Variants in ZBTB40 observed in about 807,000 individuals in gnomAD.
The protein encoded by ZBTB40 is zinc finger and BTB domain containing 40.
In ZBTB40, 60 loss-of-function variants were observed where a neutral mutation model predicts 117.5. That is an observed-to-expected ratio of 0.51 (90% CI 0.41 to 0.63). ZBTB40 has a LOEUF of 0.63. Among genes scored for constraint, ZBTB40 ranks in the 30% least tolerant of loss-of-function variants. The probability of loss-of-function intolerance (pLI) is 0.00; values close to 1 mark genes in which losing one functional copy is unlikely to be tolerated. For synonymous variants in ZBTB40, 525 were observed against 577.1 expected (o/e 0.91, Z 1.29); for missense variants, 1,287 against 1,498.5 (o/e 0.86, Z 2.33).
chr1:22,441,972 T>C (rs1484578567), intron 1 of ZBTB40, among the ~76,000 whole-genome samples: 2 of 152,228 alleles, frequency 1.3e-5, no homozygotes, highest in African/African-American at 2.4e-5. Flanking sequence ...TGTGTTTTCA[T>C]TTTCATTCTT....
intron 3 of ZBTB40, among the ~76,000 whole-genome samples, chr1:22,493,202 A>G (rs1247799967): frequency 6.6e-6 from 1 of 152,166 alleles, no homozygotes; most frequent in Admixed American, 6.5e-5. Flanking sequence ...AATATACTTC[A>G]AAAGAACACT....
At chr1:22,484,826 A>G (rs1638421785) in intron 1 of ZBTB40, among the ~76,000 whole-genome samples, 1 of 152,206 alleles carries the variant, frequency 6.6e-6, no homozygotes, top group African/African-American at 2.4e-5. Flanking sequence ...CTCTATTTCT[A>G]GTTTGTTGGA....
At position 22,502,407 on chromosome 1, in the gene ZBTB40, C is replaced by T; in HGVS notation, c.1133C>T (p.Ala378Val). 6.2e-7 allele frequency: 1 copy of T among 1,614,050 alleles called. No individual in the cohort carries two copies. The highest frequency in any genetic ancestry group is 8.5e-7 in the Non-Finnish European group (1 of 1,179,970). ...CCTATTATGGAGTCCCTGGAAACAG[C>T]CAAGGAGGAATTCCTGACTGGCACT... ...LRPIMESLETAKEEFLTGTEK... is the reference protein window; with the variant it reads ...LRPIMESLETVKEEFLTGTEK... The change falls in exon 5 of 18, where the codon GCC becomes GTC. Residue 378 changes from alanine to valine, a missense_variant. Physicochemically the swap from Ala to Val is moderately conservative, Grantham distance 64 (BLOSUM62 0). Transcript: ENST00000375647.
intron 9 of ZBTB40, among the ~76,000 whole-genome samples, chr1:22,510,133 C>T (rs7415626): frequency 6.6e-6 from 1 of 152,190 alleles, no homozygotes; most frequent in Non-Finnish European, 1.5e-5. Flanking sequence ...TCATGGGTGT[C>T]CAGCCCAGGA....
chr1:22,499,816 T>C (rs1302564741), intron 3 of ZBTB40, among the ~76,000 whole-genome samples: 1 of 152,202 alleles, frequency 6.6e-6, no homozygotes, highest in African/African-American at 2.4e-5. Context: ...AGGAGAAAGA[T>C]AAAATCTCTC....
chr1:22,433,746 C>G (rs1439087620), intron 1 of ZBTB40, among the ~76,000 whole-genome samples: 2 of 151,080 alleles, frequency 1.3e-5, no homozygotes, highest in Non-Finnish European at 3.0e-5. Context: ...TTCTTCACTT[C>G]TTTAAAACTA....
rs1331462791 is a variant in ZBTB40, at chr1:22,490,555, C to G, written c.607C>G (p.Pro203Ala). The G allele has an allele frequency of 5.0e-6, 8 of 1,613,702 alleles. No homozygotes were observed. Among genetic ancestry groups the G allele is most frequent in the Non-Finnish European group, 4.2e-6 (5 of 1,179,880 alleles). The change falls in exon 2 of 18, where the codon CCA (proline) becomes GCA (alanine). Residue 203 changes from proline to alanine, a missense_variant. Physicochemically the swap from Pro to Ala is conservative, Grantham distance 27. This residue lies in a region of ZBTB40 where 870 missense variants were observed against 934.4 expected (regional missense o/e 0.93). Coordinates refer to ENST00000375647, the MANE Select transcript of ZBTB40 (RefSeq NM_014870.4). ...GGAGAGCCAGAGGAATGCAGAAACC[C>G]CAGCGGAGACTCCTACTACAGCTGA... ...AQESQRNAET[P>A]AETPTTAEAC...
chr1:22,435,037 A>G (rs1640652087), intron 1 of ZBTB40, among the ~76,000 whole-genome samples: 2 of 147,926 alleles, frequency 1.4e-5, no homozygotes, highest in Admixed American at 6.8e-5. Context: ...TTTTTTTTAG[A>G]CAGCATCTCA....
chr1:22,519,318 C>G (rs977692328), intron 13 of ZBTB40, among the ~76,000 whole-genome samples: 11 of 152,218 alleles, frequency 7.2e-5, no homozygotes, highest in African/African-American at 2.7e-4. Flanking sequence ...GGGGGTCTCA[C>G]TGAAGGGTTG....
chr1:22,516,227 T>C (rs1238981271), intron 12 of ZBTB40, among the ~76,000 whole-genome samples: 1 of 152,124 alleles, frequency 6.6e-6, no homozygotes, highest in Non-Finnish European at 1.5e-5. Context: ...TGTTTTGAGC[T>C]CCCAAAACAG....
intron 15 of ZBTB40, 80 bp from the exon 16 acceptor site, chr1:22,522,297 C>T: frequency 1.4e-6 from 2 of 1,403,912 alleles, no homozygotes; most frequent in Non-Finnish European, 2.0e-6. Context: ...ATCGCCCCAA[C>T]CCCAGCCCTG....
At chr1:22,431,327 A>G (rs527343284) in intron 1 of ZBTB40, among the ~76,000 whole-genome samples, 109 of 141,010 alleles carry the variant, frequency 7.7e-4, no homozygotes, top group Non-Finnish European at 1.2e-3. Context: ...TTTATATTGT[A>G]TATATATATT....
chr1:22,430,155 G>A (rs915961245), intron 1 of ZBTB40, among the ~76,000 whole-genome samples: 75 of 152,098 alleles, frequency 4.9e-4, no homozygotes, highest in Non-Finnish European at 1.3e-4. Context: ...TACCTCAATA[G>A]ATTTATCTGA....
At chr1:22,431,382 GTGTATA>G (rs1557468740) in intron 1 of ZBTB40, among the ~76,000 whole-genome samples, 1 of 15,484 alleles carries the variant, frequency 6.5e-5, no homozygotes, top group African/African-American at 1.1e-4. Flanking sequence ...GTGTGTGTGT[GTGTATA>G]TATATATATA....
intron 1 of ZBTB40, among the ~76,000 whole-genome samples, chr1:22,469,109 A>G (rs962408406): frequency 1.3e-5 from 2 of 151,722 alleles, no homozygotes; most frequent in African/African-American, 4.8e-5. Context: ...GATTATAGGC[A>G]TTGAGCCACT....
chr1:22,477,538 A>T (rs1322136125), intron 1 of ZBTB40, among the ~76,000 whole-genome samples: 3 of 151,948 alleles, frequency 2.0e-5, no homozygotes, highest in Non-Finnish European at 2.9e-5. Context: ...AGTCCCAGCT[A>T]CTCAGGCAGC....
At chr1:22,473,047 G>A (rs539929408) in intron 1 of ZBTB40, among the ~76,000 whole-genome samples, 9 of 152,170 alleles carry the variant, frequency 5.9e-5, no homozygotes, top group Non-Finnish European at 1.2e-4. Context: ...ATTTGAGGGT[G>A]ACTTGTGACT....
chr1:22,492,001 A>C (rs1638643641), intron 3 of ZBTB40, among the ~76,000 whole-genome samples: 1 of 152,244 alleles, frequency 6.6e-6, no homozygotes, highest in Non-Finnish European at 1.5e-5. Context: ...AAAAACAGTA[A>C]TAGTAAACAT....
intron 1 of ZBTB40, among the ~76,000 whole-genome samples, chr1:22,469,564 T>G (rs1031261606): frequency 6.6e-6 from 1 of 151,452 alleles, no homozygotes; most frequent in African/African-American, 2.4e-5. Context: ...TTGTTTTTTG[T>G]TTTTTTTTAT....
Sources: gnomAD v4.1 joint callset for allele counts (sites outside exome capture counted in the v4.1 genomes callset) on GRCh38, gnomAD v4.1.1 for gene constraint, gnomAD v4.1.1 regional missense constraint, MANE v1.5 for transcripts, NCBI Gene and HGNC (gene_info 2026-07-23, HGNC 2026-07-21) for gene names.